The following NCAM1 variants were observed in gnomAD, a reference collection of about 807,000 sequenced individuals.
The protein encoded by NCAM1 is antigen recognized by monoclonal antibody 5.1H11.
Under a neutral mutation model 109.8 loss-of-function variants are expected in NCAM1, and 14 were observed. The ratio of observed to expected loss-of-function variants is 0.13; its 90% CI spans 0.08 to 0.20. The LOEUF (loss-of-function observed/expected upper bound fraction) is 0.20. Ranked by LOEUF, NCAM1 falls within the 10% of genes least tolerant of loss-of-function variation. The pLI, the probability that NCAM1 is intolerant of heterozygous loss-of-function variation, is 1.00. For synonymous variants in NCAM1, 418 were observed against 442.9 expected, an observed-to-expected ratio of 0.94 and a Z score of 0.70; for missense variants, 774 against 1,109.9, an observed-to-expected ratio of 0.70 and a Z score of 4.30.
At chr11:113,219,935 C>T (rs376907346) in intron 8 of NCAM1, among the ~76,000 whole-genome samples, 4 of 152,256 alleles carry the variant, frequency 2.6e-5, no homozygotes, top group African/African-American at 9.6e-5. Context: ...TGACATAACT[C>T]GATATTTCCA....
intron 1 of NCAM1, among the ~76,000 whole-genome samples, chr11:113,140,156 CTA>C (rs1288932464): frequency 6.6e-6 from 1 of 152,230 alleles, no homozygotes; most frequent in African/African-American, 2.4e-5. Flanking sequence ...TTTGTGTGGA[CTA>C]TCTGCCATGT....
intron 1 of NCAM1, among the ~76,000 whole-genome samples, chr11:113,172,323 C>A (rs1555106377): frequency 6.6e-6 from 1 of 152,166 alleles, no homozygotes; most frequent in Non-Finnish European, 1.5e-5. Context: ...ACCATTTTGT[C>A]TCGTGTATTG....
At chr11:113,001,826 G>C (rs1457707977) in intron 1 of NCAM1, among the ~76,000 whole-genome samples, 13 of 152,098 alleles carry the variant, frequency 8.5e-5, no homozygotes, top group Non-Finnish European at 1.0e-4. Context: ...CCAGTGGTGA[G>C]GTGCAGTATT....
intron 1 of NCAM1, among the ~76,000 whole-genome samples, chr11:113,012,014 T>TCC (rs71060281): frequency 0.12 from 16,894 of 146,510 alleles, 1,290 homozygotes; most frequent in African/African-American, 0.13. Context: ...CTTCCTTCCT[T>TCC]TCTTTCCTCT....
chr11:113,156,360 GA>G (rs1942408728), intron 1 of NCAM1, among the ~76,000 whole-genome samples: 1 of 152,124 alleles, frequency 6.6e-6, no homozygotes, highest in African/African-American at 2.4e-5. Context: ...GATGAAAATT[GA>G]AATGGTGACC....
At chr11:113,137,231 T>C (rs185575435) in intron 1 of NCAM1, among the ~76,000 whole-genome samples, 2 of 152,308 alleles carry the variant, frequency 1.3e-5, no homozygotes, top group East Asian at 1.9e-4. Context: ...GAGTAAAATA[T>C]AGAAATCGCT....
chr11:113,094,284 C>T (rs1363860067), intron 1 of NCAM1, among the ~76,000 whole-genome samples: 1 of 152,164 alleles, frequency 6.6e-6, no homozygotes, highest in Non-Finnish European at 1.5e-5. Flanking sequence ...AACATTCTAT[C>T]GTTTGGCACC....
In NCAM1 at chr11:113,165,597, G is replaced by A. The variant is rs145009499; in HGVS notation, c.53-36782G>A. Among the ~76,000 whole-genome samples the A allele has an allele frequency of 7.3e-3, 1,112 of 152,166 alleles. 11 individuals are homozygous for A. The highest frequency in any genetic ancestry group is 0.017 in the Middle Eastern group (5 of 294). On this transcript the variant is annotated intron_variant, in intron 1 of 19. Transcript: ENST00000316851. ...TATAGCCTTTGCTTCCCCCACCCCC[G>A]ATGGGACCATTATGAGAGTAGAATG...
rs1555126102 is a variant in NCAM1 at position 113,274,149 on chromosome 11, G to C, written c.2457-1118G>C. On this transcript the variant is annotated intron_variant, in intron 19 of 19. Coordinates refer to ENST00000316851, the MANE Select transcript of NCAM1 (RefSeq NM_181351.5). The surrounding 1 kb of genome is among the most constrained non-coding windows in gnomAD (Gnocchi z 4.1). The stretch of plus-strand genomic sequence containing the variant: ...GCTGAGTCCCTACCAGAAAGGCACT[G>C]ATGTGCAGGAAGAAAAGAGGTAGGC... 6.6e-6 allele frequency among the ~76,000 whole-genome samples: 1 copy of C among 152,176 alleles called. No individual in the cohort carries two copies. Among genetic ancestry groups the C allele is most frequent in the African/African-American group, 2.4e-5 (1 of 41,440 alleles).
chr11:113,097,591 A>G (rs1939658228), intron 1 of NCAM1, among the ~76,000 whole-genome samples: 1 of 142,256 alleles, frequency 7.0e-6, no homozygotes, highest in East Asian at 2.0e-4. Context: ...GAAATTTATA[A>G]GAGGTGACTT....
At chr11:113,049,778 A>G (rs1477173566) in intron 1 of NCAM1, among the ~76,000 whole-genome samples, 1 of 152,236 alleles carries the variant, frequency 6.6e-6, no homozygotes, top group Admixed American at 6.5e-5. Context: ...CCCCTGAGCT[A>G]GAACAGTTAC....
intron 17 of NCAM1, among the ~76,000 whole-genome samples, chr11:113,260,999 C>T (rs1052609083): frequency 6.6e-6 from 1 of 152,048 alleles, no homozygotes; most frequent in African/African-American, 2.4e-5. Flanking sequence ...AAGACCTAAC[C>T]TTGCTGGTCT....
chr11:113,117,444 C>A (rs1555095108), intron 1 of NCAM1, among the ~76,000 whole-genome samples: 1 of 151,952 alleles, frequency 6.6e-6, no homozygotes, highest in African/African-American at 2.4e-5. Flanking sequence ...CTTCAAACTC[C>A]TACCTTCCCG....
At position 113,066,528 on chromosome 11, in the gene NCAM1, C is replaced by T. The variant is rs188058085; in HGVS notation, c.52+104864C>T. ...CTTCAGGCCTCTCAATTCCTGGTTT[C>T]TGTGCTTTGCCTACCATAAAGATAT... On this transcript the variant is annotated intron_variant, in intron 1 of 19. Transcript: ENST00000316851. Among the ~76,000 whole-genome samples, 428 of 152,270 alleles carry T rather than the reference C, an allele frequency of 2.8e-3. 1 individual carries two copies. The highest frequency in any genetic ancestry group is 9.8e-3 in the African/African-American group (408 of 41,554).
intron 1 of NCAM1, among the ~76,000 whole-genome samples, chr11:113,197,041 AG>A (rs1943878494): frequency 1.3e-5 from 2 of 152,176 alleles, no homozygotes; most frequent in East Asian, 3.9e-4. Flanking sequence ...AGGAAAGAGA[AG>A]GGTGAATGAG....
At chr11:112,977,202 A>G (rs947667353) in intron 1 of NCAM1, among the ~76,000 whole-genome samples, 1 of 151,800 alleles carries the variant, frequency 6.6e-6, no homozygotes, top group African/African-American at 2.4e-5. Flanking sequence ...CTACAAAGAT[A>G]TTATTTTCTT....
chr11:113,058,098 C>A (rs1953778913), intron 1 of NCAM1, among the ~76,000 whole-genome samples: 1 of 152,078 alleles, frequency 6.6e-6, no homozygotes, highest in African/African-American at 2.4e-5. Context: ...GCCTGGCCAA[C>A]ATGGCAAAAC....
chr11:113,009,315 T>TTTTTGTTGTTGTTG (rs1272777545), intron 1 of NCAM1, among the ~76,000 whole-genome samples: 12 of 93,672 alleles, frequency 1.3e-4, no homozygotes, highest in East Asian at 4.0e-4. Context: ...TTTTCGGGTT[T>TTTTTGTTGTTGTTG]TTTTTTTTTT....
chr11:113,233,956 G>A lies in NCAM1; in HGVS notation c.1693+639G>A, dbSNP rs1555117784. 6.6e-6 allele frequency among the ~76,000 whole-genome samples: 1 copy of A among 152,138 alleles called. No homozygotes were observed. The highest frequency in any genetic ancestry group is 1.5e-5 in the Non-Finnish European group (1 of 68,030). On this transcript the variant is annotated intron_variant, in intron 13 of 19. Coordinates refer to ENST00000316851, the MANE Select transcript of NCAM1 (RefSeq NM_181351.5). The surrounding 1 kb of genome is among the most constrained non-coding windows in gnomAD (Gnocchi z 4.5). ...ACTCAGTGAAGTATGTTTTGTTTCTGTACAAATTTTTAATCCTGGTCTCGT... is the reference window on the plus strand; with the variant it reads ...ACTCAGTGAAGTATGTTTTGTTTCTATACAAATTTTTAATCCTGGTCTCGT...
Sources: gnomAD v4.1 joint callset for allele counts (sites outside exome capture counted in the v4.1 genomes callset) on GRCh38, gnomAD v4.1.1 for gene constraint, Gnocchi (gnomAD v3.1) non-coding constraint, MANE v1.5 for transcripts, NCBI Gene and HGNC (gene_info 2026-07-23, HGNC 2026-07-21) for gene names.